SRCIN1: variants seen among roughly 807,000 people sequenced by gnomAD.
The protein encoded by SRCIN1 is P130Cas-associated protein.
A neutral mutation model predicts 116.2 loss-of-function variants in SRCIN1; 50 were observed. The ratio of observed to expected loss-of-function variants is 0.43; its 90% CI spans 0.34 to 0.54. SRCIN1 has a LOEUF of 0.54. Among genes scored for constraint, SRCIN1 ranks in the 20% least tolerant of loss-of-function variants. The pLI is 0.02. For missense variants in SRCIN1, 1,446 were observed against 1,672.0 expected (o/e 0.86, Z 2.36); for synonymous variants, 736 against 750.0 (o/e 0.98, Z 0.30).
intron 2 of SRCIN1, chr17:38,574,795 C>A (rs1907302813): frequency 2.5e-6 from 1 of 400,066 alleles, no homozygotes; most frequent in African/African-American, 2.1e-5. Flanking sequence ...CCTGAACATC[C>A]CCCCTCCAAA....
intron 2 of SRCIN1, among the ~76,000 whole-genome samples, chr17:38,576,846 C>T (rs1335212029): frequency 6.6e-6 from 1 of 152,094 alleles, no homozygotes; most frequent in Admixed American, 6.5e-5. Context: ...CTTCATCATC[C>T]CTGATACACT....
chr17:38,590,128 A>C (rs1255487332), intron 1 of SRCIN1, among the ~76,000 whole-genome samples: 1 of 152,138 alleles, frequency 6.6e-6, no homozygotes, highest in Non-Finnish European at 1.5e-5. Flanking sequence ...AAAGACACAA[A>C]GACTCCCACC....
intron 1 of SRCIN1, among the ~76,000 whole-genome samples, chr17:38,591,189 G>A (rs1908420873): frequency 6.6e-6 from 1 of 152,212 alleles, no homozygotes. Context: ...AGCCAGTCAG[G>A]TCTTAGATAC....
Position 38,540,694 on chromosome 17 carries a change from G to A in SRCIN1, c.3417+3129C>T, listed in dbSNP as rs922517076. Among the ~76,000 whole-genome samples the A allele has an allele frequency of 2.4e-4, 37 of 152,208 alleles. No individual in the cohort carries two copies. The Middle Eastern group carries it at 0.01, about 42-fold the overall frequency. On this transcript the variant is annotated intron_variant, in intron 18 of 18. Transcript: ENST00000617146. ...CCTGGGCCGCACATGAAGGATTTGG[G>A]TTGATCATCTGCCAGGGGCCGGGGC...
chr17:38,544,058 G>A lies in SRCIN1; in HGVS notation c.3271-89C>T, dbSNP rs975494442. 7.6e-6 allele frequency: 11 copies of A among 1,450,178 alleles called. No individual in the cohort carries two copies. In the African/African-American group the frequency reaches 1.6e-4, roughly 20 times the overall value. 89.8% of individuals were successfully genotyped at this position (1,450,178 alleles called of 1,614,324 possible). A position where few individuals can be genotyped will look rare whatever the true frequency, so the allele number is the denominator to read the frequency against. The stretch of plus-strand genomic sequence containing the variant: ...TAGCACTGGGTGGGGTCTCGGGGCT[G>A]GGACCTCCTCAGTGGGGCCCTTTGA... On this transcript the variant is annotated intron_variant, in intron 17 of 18. Coordinates refer to ENST00000617146, the MANE Select transcript of SRCIN1 (RefSeq NM_025248.3). The surrounding 1 kb of genome is among the most constrained non-coding windows in gnomAD (Gnocchi z 4.5).
Position 38,558,314 on chromosome 17 carries a change from T to C in SRCIN1, c.2114A>G (p.Glu705Gly). ...MRVSEAARRQ[E>G]DPLQRQRTLV... ...GGTGCGCTGCCGCTGCAGCGGGTCC[T>C]CCTGCCGCCGCGCCGCCTCCGACAC... is the stretch of plus-strand genomic sequence containing the variant. Residue 705 changes from glutamate to glycine, a missense_variant, in exon 11 of 19, where the codon GAG (glutamate) becomes GGG (glycine). Physicochemically the swap from Glu to Gly is moderately conservative, Grantham distance 98 (BLOSUM62 -2). Coordinates refer to ENST00000617146, the MANE Select transcript of SRCIN1 (RefSeq NM_025248.3). The surrounding 1 kb of genome is among the most constrained non-coding windows in gnomAD (Gnocchi z 4.6). The C allele has an allele frequency of 6.2e-7, 1 of 1,611,072 alleles. No homozygotes were observed. Among genetic ancestry groups the C allele is most frequent in the Non-Finnish European group, 8.5e-7 (1 of 1,179,602 alleles).
At chr17:38,538,030 G>A (rs1467943868) in intron 18 of SRCIN1, among the ~76,000 whole-genome samples, 2 of 151,602 alleles carry the variant, frequency 1.3e-5, no homozygotes, top group African/African-American at 4.9e-5. Context: ...AACCCAGGAG[G>A]CAGAGGTTGC....
chr17:38,533,185 C>A lies in SRCIN1; in HGVS notation c.*112G>T, dbSNP rs894288788. ...GCCGCACCCTCCTCTTCAGGGCACA[C>A]CCCTCAGGGCGTCTGGAGAGTAGGG... On this transcript the variant is annotated 3_prime_UTR_variant, in exon 19 of 19. Coordinates refer to ENST00000617146, the MANE Select transcript of SRCIN1 (RefSeq NM_025248.3). 2.1e-6 allele frequency: 3 copies of A among 1,396,170 alleles called. No homozygotes were observed. Among genetic ancestry groups the A allele is most frequent in the South Asian group, 1.5e-5 (1 of 66,140 alleles). The allele number at this position is 1,396,170 out of a possible 1,614,324, so 86.5% of individuals were successfully genotyped here.
In SRCIN1 at chr17:38,533,110, A is replaced by C. The variant is rs1339924218; in HGVS notation, c.*187T>G. 4 of 477,146 alleles carry C rather than the reference A, an allele frequency of 8.4e-6. No homozygotes were observed. Among genetic ancestry groups the C allele is most frequent in the Admixed American group, 9.1e-5 (2 of 21,876 alleles). 29.6% of individuals were successfully genotyped at this position (477,146 alleles called of 1,614,324 possible). A position where few individuals can be genotyped will look rare whatever the true frequency, so the allele number is the denominator to read the frequency against. On this transcript the variant is annotated 3_prime_UTR_variant, in exon 19 of 19. Transcript: ENST00000617146. The stretch of plus-strand genomic sequence containing the variant: ...AGTTAATTGTTAAAAAAAAAAAAAA[A>C]AACAAAACCAAAAACACCAACAGAT...
intron 2 of SRCIN1, among the ~76,000 whole-genome samples, chr17:38,574,103 A>C (rs1319916133): frequency 6.6e-6 from 1 of 152,100 alleles, no homozygotes; most frequent in East Asian, 1.9e-4. Context: ...TTCCCACTGG[A>C]TTCCCTGCCA....
At chr17:38,586,971 A>G (rs1307111127) in intron 1 of SRCIN1, among the ~76,000 whole-genome samples, 4 of 145,154 alleles carry the variant, frequency 2.8e-5, no homozygotes, top group African/African-American at 1.0e-4. Context: ...AGCAGATTTG[A>G]GGGGGTCAAG....
chr17:38,558,416 G>T lies in SRCIN1; in HGVS notation c.2026-14C>A. On this transcript the variant is annotated splice_polypyrimidine_tract_variant and intron_variant, in intron 10 of 18. Transcript: ENST00000617146. The surrounding 1 kb of genome is among the most constrained non-coding windows in gnomAD (Gnocchi z 4.6). ...CTGGTTCTGTAGCTGCGGGACGCAC[G>T]GACGGATGGACCCGGGTGGGGGGAG... The T allele has an allele frequency of 6.3e-7, 1 of 1,581,262 alleles. No homozygotes were observed. Among genetic ancestry groups the T allele is most frequent in the Non-Finnish European group, 8.5e-7 (1 of 1,169,634 alleles).
At chr17:38,571,309 G>A (rs933443151) in intron 2 of SRCIN1, among the ~76,000 whole-genome samples, 2 of 152,122 alleles carry the variant, frequency 1.3e-5, no homozygotes, top group Admixed American at 1.3e-4. Context: ...GTACCTGGTG[G>A]ATAGCAGGCA....
chr17:38,551,319 A>G lies in SRCIN1; in HGVS notation c.2798T>C (p.Leu933Pro). 1 of 1,613,906 alleles carries G rather than the reference A, an allele frequency of 6.2e-7. No homozygotes were observed. Among genetic ancestry groups the G allele is most frequent in the Non-Finnish European group, 8.5e-7 (1 of 1,179,856 alleles). Residue 933 changes from leucine (L) to proline (P), a missense_variant, in exon 15 of 19, where the codon CTG becomes CCG. Physicochemically the swap from Leu to Pro is moderately conservative, Grantham distance 98. Coordinates refer to ENST00000617146, the MANE Select transcript of SRCIN1 (RefSeq NM_025248.3). ...TQYSAKDINRLLEETQAELLK... is the reference protein window; with the variant it reads ...TQYSAKDINRPLEETQAELLK... ...CAGCTCTGCCTGTGTCTCTTCCAGC[A>G]GCCGGTTGATGTCCTTGGCACTGTA...
At chr17:38,605,305 C>T (rs1454929723) in intron 1 of SRCIN1, among the ~76,000 whole-genome samples, 1 of 143,696 alleles carries the variant, frequency 7.0e-6, no homozygotes, top group African/African-American at 2.6e-5. Flanking sequence ...GCCCTTCTCC[C>T]CCCACCCTCC....
intron 1 of SRCIN1, among the ~76,000 whole-genome samples, chr17:38,584,287 G>A (rs542111993): frequency 8.0e-4 from 122 of 152,334 alleles, no homozygotes; most frequent in African/African-American, 2.8e-3. Context: ...GAGACATAAG[G>A]GAGGGGGCTC....
In SRCIN1 at chr17:38,602,937, T is replaced by TGGGGTG. The variant is rs1411197789; in HGVS notation, c.22+2741_22+2746dup. Among the ~76,000 whole-genome samples, 2 of 152,016 alleles carry TGGGGTG rather than the reference T, an allele frequency of 1.3e-5. No individual in the cohort carries two copies. The highest frequency in any genetic ancestry group is 2.9e-5 in the Non-Finnish European group (2 of 68,002). On this transcript the variant is annotated intron_variant, in intron 1 of 18. Transcript: ENST00000617146. The surrounding 1 kb of genome is among the most constrained non-coding windows in gnomAD (Gnocchi z 4.2). ...TCCCTTCTTTCCCCAAAACCTAACC[T>TGGGGTG]GGGGTGGGGGTGGGGGCTCAACAAA...
chr17:38,575,553 A>G (rs1907367058), intron 2 of SRCIN1, among the ~76,000 whole-genome samples: 2 of 152,100 alleles, frequency 1.3e-5, no homozygotes, highest in South Asian at 4.1e-4. Context: ...CCGGCCTCAT[A>G]TCCAATTCTT....
chr17:38,534,681 T>A (rs1194107372), intron 18 of SRCIN1, among the ~76,000 whole-genome samples: 1 of 152,178 alleles, frequency 6.6e-6, no homozygotes, highest in Non-Finnish European at 1.5e-5. Context: ...AAGCAAGCCC[T>A]GTCTCCAGCA....
Sources: allele counts gnomAD v4.1 joint callset (sites outside exome capture counted in the v4.1 genomes callset), GRCh38; gene constraint gnomAD v4.1.1; non-coding constraint Gnocchi (gnomAD v3.1); transcripts MANE v1.5; gene names NCBI Gene and HGNC (gene_info 2026-07-23, HGNC 2026-07-21).